The following GRM5 variants were observed in gnomAD, a reference collection of about 807,000 sequenced individuals.
GRM5 encodes the protein glutamate metabotropic receptor 5.
Under a neutral mutation model 83.1 loss-of-function variants are expected in GRM5, and 19 were observed. That is an observed-to-expected ratio of 0.23 (90% CI 0.16 to 0.34). The LOEUF is 0.34. Ranked by LOEUF, GRM5 falls within the 10% of genes least tolerant of loss-of-function variation. The probability of loss-of-function intolerance (pLI) is 1.00; values close to 1 mark genes in which losing one functional copy is unlikely to be tolerated. For synonymous variants in GRM5, 675 were observed against 633.6 expected (o/e 1.07, Z -0.98); for missense variants, 1,160 against 1,588.3 (o/e 0.73, Z 4.58).
intron 3 of GRM5, among the ~76,000 whole-genome samples, chr11:88,707,086 T>G (rs1294250431): frequency 2.0e-5 from 3 of 152,076 alleles, no homozygotes; most frequent in African/African-American, 7.2e-5. Context: ...AGAACACTTG[T>G]GGATGATCAG....
chr11:88,758,713 C>A (rs1204593853), intron 3 of GRM5, among the ~76,000 whole-genome samples: 1 of 152,056 alleles, frequency 6.6e-6, no homozygotes, highest in East Asian at 1.9e-4. Context: ...GCCAGAGAGG[C>A]AAATGTTTAT....
At chr11:88,649,317 A>ATATATATACAT (rs1939564868) in intron 4 of GRM5, among the ~76,000 whole-genome samples, 9 of 140,232 alleles carry the variant, frequency 6.4e-5, no homozygotes, top group South Asian at 4.3e-4. Context: ...TACATATTAC[A>ATATATATACAT]TATATATGTA....
chr11:88,865,398 C>T (rs1391930967), intron 2 of GRM5, among the ~76,000 whole-genome samples: 1 of 152,090 alleles, frequency 6.6e-6, no homozygotes, highest in Non-Finnish European at 1.5e-5. Context: ...ACACCTTTTA[C>T]AAAAATTAAT....
chr11:88,823,598 T>C (rs1342413083), intron 3 of GRM5, among the ~76,000 whole-genome samples: 1 of 152,002 alleles, frequency 6.6e-6, no homozygotes. Context: ...CAGGAAGTAC[T>C]ACTGACTAGG....
intron 4 of GRM5, among the ~76,000 whole-genome samples, chr11:88,618,688 G>A (rs930358097): frequency 1.3e-5 from 2 of 151,752 alleles, no homozygotes; most frequent in African/African-American, 2.4e-5. Flanking sequence ...ATCTTCTTAG[G>A]CAAACTTTAA....
At chr11:89,052,531 T>C (rs868114831) in intron 1 of GRM5, among the ~76,000 whole-genome samples, 4 of 152,168 alleles carry the variant, frequency 2.6e-5, no homozygotes, top group Non-Finnish European at 5.9e-5. Flanking sequence ...CCATGTACAT[T>C]CTATACACTG....
chr11:88,748,589 A>G (rs1175583455), intron 3 of GRM5, among the ~76,000 whole-genome samples: 1 of 152,156 alleles, frequency 6.6e-6, no homozygotes, highest in East Asian at 1.9e-4. Flanking sequence ...TCTACCAGAA[A>G]GCATCCAGAC....
chr11:88,981,407 G>T (rs1178975609), intron 2 of GRM5, among the ~76,000 whole-genome samples: 3 of 152,030 alleles, frequency 2.0e-5, no homozygotes, highest in African/African-American at 7.2e-5. Context: ...TAATAATAAT[G>T]AATCAGTATA....
chr11:88,668,297 G>GCACACA (rs72052705), intron 3 of GRM5, among the ~76,000 whole-genome samples: 2,503 of 130,062 alleles, frequency 0.019, 80 homozygotes, highest in African/African-American at 0.06. Context: ...CCAGAAACTC[G>GCACACA]CACACACACA....
intron 3 of GRM5, among the ~76,000 whole-genome samples, chr11:88,691,335 A>G (rs1445504774): frequency 6.6e-6 from 1 of 152,194 alleles, no homozygotes; most frequent in Admixed American, 6.5e-5. Context: ...TTGTGAGAAT[A>G]ATGTATAAAT....
intron 3 of GRM5, among the ~76,000 whole-genome samples, chr11:88,809,998 T>C (rs749805224): frequency 5.9e-5 from 9 of 152,086 alleles, no homozygotes; most frequent in Non-Finnish European, 1.0e-4. Context: ...TCAGGGACTT[T>C]CCTTTATAAG....
At chr11:88,583,333 A>G (rs1356591704) in intron 7 of GRM5, among the ~76,000 whole-genome samples, 1 of 152,106 alleles carries the variant, frequency 6.6e-6, no homozygotes, top group Admixed American at 6.5e-5. Flanking sequence ...AAATGTTCCA[A>G]CCTCCAAAGC....
chr11:88,818,430 A>T (rs1943728010), intron 3 of GRM5, among the ~76,000 whole-genome samples: 1 of 152,122 alleles, frequency 6.6e-6, no homozygotes, highest in Non-Finnish European at 1.5e-5. Context: ...AAAATAAGAA[A>T]AATTATTTTA....
intron 4 of GRM5, among the ~76,000 whole-genome samples, chr11:88,651,326 C>T (rs142849436): frequency 6.6e-6 from 1 of 151,970 alleles, no homozygotes; most frequent in South Asian, 2.1e-4. Context: ...TGCAGGCCAA[C>T]TGGAAAAATT....
chr11:89,006,727 C>T (rs1175419395), intron 2 of GRM5, among the ~76,000 whole-genome samples: 1 of 152,188 alleles, frequency 6.6e-6, no homozygotes, highest in African/African-American at 2.4e-5. Flanking sequence ...TTACCTTTAC[C>T]TTGTCCTTGT....
chr11:89,021,426 T>C (rs1304469032), intron 2 of GRM5, among the ~76,000 whole-genome samples: 1 of 152,150 alleles, frequency 6.6e-6, no homozygotes, highest in East Asian at 1.9e-4. Context: ...CTTCCTTGAT[T>C]CTCAAGGAAG....
intron 2 of GRM5, among the ~76,000 whole-genome samples, chr11:89,045,991 C>G (rs952821355): frequency 6.6e-6 from 1 of 152,038 alleles, no homozygotes; most frequent in African/African-American, 2.4e-5. Context: ...TGATTTTTTT[C>G]TCCATCAATT....
chr11:89,009,913 A>AC (rs1940643435), intron 2 of GRM5, among the ~76,000 whole-genome samples: 5 of 133,650 alleles, frequency 3.7e-5, no homozygotes, highest in African/African-American at 1.7e-4. Context: ...AAAAAAAAAA[A>AC]AAAAAAAAAA....
intron 2 of GRM5, among the ~76,000 whole-genome samples, chr11:88,892,935 C>T (rs2135587066): frequency 6.6e-6 from 1 of 151,926 alleles, no homozygotes; most frequent in South Asian, 2.1e-4. Context: ...TCATAGACTC[C>T]CCAAAGGGAA....
Sources: gnomAD v4.1 joint callset for allele counts (sites outside exome capture counted in the v4.1 genomes callset) on GRCh38, gnomAD v4.1.1 for gene constraint, MANE v1.5 for transcripts, NCBI Gene and HGNC (gene_info 2026-07-23, HGNC 2026-07-21) for gene names.